Variants in FMN2 observed in about 807,000 individuals in gnomAD.
FMN2 encodes the protein formin-2.
Under a neutral mutation model 142.3 loss-of-function variants are expected in FMN2, and 51 were observed. That is an observed-to-expected ratio of 0.36 (90% CI 0.29 to 0.45). The LOEUF (loss-of-function observed/expected upper bound fraction) is 0.45. Ranked by LOEUF, FMN2 falls within the 20% of genes least tolerant of loss-of-function variation. The pLI is 1.00. For missense variants in FMN2, 1,936 were observed against 2,122.8 expected, an observed-to-expected ratio of 0.91 and a Z score of 1.73; for synonymous variants, 882 against 869.8, an observed-to-expected ratio of 1.01 and a Z score of -0.25.
chr1:240,328,829 G>A (rs558365625), intron 8 of FMN2, among the ~76,000 whole-genome samples: 124 of 152,248 alleles, frequency 8.1e-4, no homozygotes, highest in Middle Eastern at 6.8e-3. Flanking sequence ...GACCTCAGGT[G>A]ATCCGCCCGC....
intron 8 of FMN2, among the ~76,000 whole-genome samples, chr1:240,307,326 A>T (rs1243162393): frequency 6.6e-6 from 1 of 152,176 alleles, no homozygotes; most frequent in Non-Finnish European, 1.5e-5. Flanking sequence ...GCCTAGACCA[A>T]TGTCTAAAAG....
At chr1:240,358,214 G>T (rs1053568152) in intron 14 of FMN2, among the ~76,000 whole-genome samples, 2 of 152,146 alleles carry the variant, frequency 1.3e-5, no homozygotes, top group African/African-American at 2.4e-5. Context: ...ATGACTTACA[G>T]CAGTGAATAA....
intron 15 of FMN2, among the ~76,000 whole-genome samples, chr1:240,430,102 G>A (rs1480366450): frequency 2.6e-5 from 4 of 151,948 alleles, no homozygotes; most frequent in African/African-American, 9.7e-5. Context: ...TAGTCAGGAT[G>A]GTCTGGATCT....
intron 1 of FMN2, among the ~76,000 whole-genome samples, chr1:240,103,621 T>G (rs1036844718): frequency 4.6e-5 from 7 of 152,152 alleles, no homozygotes; most frequent in Non-Finnish European, 7.3e-5. Context: ...AAGTATCTCT[T>G]TAAAATGTCT....
chr1:240,141,327 A>T (rs1270337743), intron 2 of FMN2, among the ~76,000 whole-genome samples: 1 of 150,952 alleles, frequency 6.6e-6, no homozygotes, highest in Non-Finnish European at 1.5e-5. Context: ...CTGCATGAAA[A>T]ATAACAGGCA....
At chr1:240,115,435 G>A (rs556101738) in intron 1 of FMN2, among the ~76,000 whole-genome samples, 2 of 152,236 alleles carry the variant, frequency 1.3e-5, no homozygotes, top group Non-Finnish European at 2.9e-5. Context: ...ACCTAGAATA[G>A]CTTTTATAAA....
intron 1 of FMN2, among the ~76,000 whole-genome samples, chr1:240,095,469 G>A (rs1402827936): frequency 6.6e-6 from 1 of 152,098 alleles, no homozygotes; most frequent in East Asian, 1.9e-4. Flanking sequence ...GTGCTAGGCA[G>A]TATTCTAGAT....
In FMN2 at chr1:240,174,982, C is replaced by T. The variant is rs373075468; in HGVS notation, c.1783-2939C>T. Among the ~76,000 whole-genome samples, 3 of 152,236 alleles carry T rather than the reference C, an allele frequency of 2.0e-5. No homozygotes were observed. In the East Asian group the frequency reaches 5.8e-4, roughly 29 times the overall value. On this transcript the variant is annotated intron_variant, in intron 2 of 17. Transcript: ENST00000319653. ...GTACCCGTTACATTGCAACAACTTC[C>T]TATCCCCCATCTCTCCAATCCGGGC...
chr1:240,171,197 A>T, intron 2 of FMN2: 1 of 809,654 alleles, frequency 1.2e-6, no homozygotes, highest in East Asian at 2.4e-5. Flanking sequence ...ATAAAAGTTG[A>T]TGAATTTGTG....
chr1:240,136,607 A>G (rs1232390768), intron 2 of FMN2, among the ~76,000 whole-genome samples: 2 of 152,102 alleles, frequency 1.3e-5, no homozygotes, highest in African/African-American at 4.8e-5. Context: ...TTCATTTTGA[A>G]TTTGTATGAT....
chr1:240,389,565 A>C (rs1196671376), intron 14 of FMN2, among the ~76,000 whole-genome samples: 1 of 152,184 alleles, frequency 6.6e-6, no homozygotes, highest in Non-Finnish European at 1.5e-5. Flanking sequence ...CACCGATTAA[A>C]TTACATTTTA....
intron 2 of FMN2, 145 bp downstream of exon 2, chr1:240,123,490 A>T: frequency 2.3e-5 from 9 of 383,648 alleles, no homozygotes; most frequent in East Asian, 4.7e-5. Context: ...ACAGCTCGGT[A>T]TGTCTGTTTG....
chr1:240,313,288 A>G (rs980566285), intron 8 of FMN2, among the ~76,000 whole-genome samples: 1 of 152,230 alleles, frequency 6.6e-6, no homozygotes, highest in Non-Finnish European at 1.5e-5. Flanking sequence ...ACAAATATGC[A>G]TAACGCCCTT....
chr1:240,343,192 A>G (rs1331306192), intron 13 of FMN2, among the ~76,000 whole-genome samples: 1 of 152,164 alleles, frequency 6.6e-6, no homozygotes, highest in Non-Finnish European at 1.5e-5. Flanking sequence ...GGTTTGAAAA[A>G]GCCTCCCAGC....
At chr1:240,096,786 C>T (rs1661213631) in intron 1 of FMN2, among the ~76,000 whole-genome samples, 1 of 152,102 alleles carries the variant, frequency 6.6e-6, no homozygotes, top group East Asian at 1.9e-4. Flanking sequence ...GGAGAAAATA[C>T]AAGTGAAAAG....
At chr1:240,198,331 A>T (rs1216861695) in intron 4 of FMN2, among the ~76,000 whole-genome samples, 1 of 152,174 alleles carries the variant, frequency 6.6e-6, no homozygotes, top group Non-Finnish European at 1.5e-5. Context: ...AAAGATCATT[A>T]CTTTAACCTT....
At chr1:240,331,602 G>T (rs946947228) in intron 11 of FMN2, among the ~76,000 whole-genome samples, 2 of 152,042 alleles carry the variant, frequency 1.3e-5, no homozygotes, top group East Asian at 3.9e-4. Context: ...TTCCTTCATG[G>T]GGGAGAGAGA....
chr1:240,403,943 C>T (rs1002385209), intron 15 of FMN2, among the ~76,000 whole-genome samples: 5 of 152,040 alleles, frequency 3.3e-5, no homozygotes, highest in African/African-American at 7.2e-5. Flanking sequence ...AATGGAAGAA[C>T]GCATATTTGT....
At chr1:240,184,415 T>C (rs1021420595) in intron 3 of FMN2, among the ~76,000 whole-genome samples, 2 of 151,568 alleles carry the variant, frequency 1.3e-5, no homozygotes, top group South Asian at 2.1e-4. Context: ...TTTGTATTTT[T>C]AGTAGAGACG....
Sources: gnomAD v4.1 joint callset for allele counts (sites outside exome capture counted in the v4.1 genomes callset) on GRCh38, gnomAD v4.1.1 for gene constraint, MANE v1.5 for transcripts, NCBI Gene and HGNC (gene_info 2026-07-23, HGNC 2026-07-21) for gene names.